The following WRNIP1 variants were observed in gnomAD, a reference collection of about 807,000 sequenced individuals.
WRNIP1 encodes WRN helicase interacting protein 1, also known as ATPase WRNIP1.
A neutral mutation model predicts 56.1 loss-of-function variants in WRNIP1; 41 were observed. The observed-to-expected ratio is 0.73, with a 90% CI of 0.57 to 0.95. The LOEUF is 0.95. Among genes scored for constraint, WRNIP1 ranks in the 40% least tolerant of loss-of-function variants. WRNIP1 has a pLI of 0.00. For missense variants in WRNIP1, 1,170 were observed against 939.4 expected, an observed-to-expected ratio of 1.25 and a Z score of -3.21; for synonymous variants, 547 against 398.1, an observed-to-expected ratio of 1.37 and a Z score of -4.45.
At chr6:2,769,354 G>A (rs12208216) in intron 2 of WRNIP1, among the ~76,000 whole-genome samples, 15,411 of 151,810 alleles carry the variant, frequency 0.1, 843 homozygotes, top group Non-Finnish European at 0.12. Flanking sequence ...ATTTAAATGG[G>A]TTTCTGAAAT....
At position 2,766,410 on chromosome 6, in the gene WRNIP1, C is replaced by T; in HGVS notation, c.788C>T (p.Ser263Leu). 2 of 1,600,370 alleles carry T rather than the reference C, an allele frequency of 1.2e-6. No homozygotes were observed. Among genetic ancestry groups the T allele is most frequent in the Non-Finnish European group, 1.7e-6 (2 of 1,172,374 alleles). ...RSLLETNEIP[S>L]LILWGPPGCG... is the part of the protein sequence containing the mutation. ...CTCCTGGAGACCAACGAAATCCCCT[C>T]GCTTATCCTGTGGGGGCCGCCGGGC... The change falls in exon 1 of 7, where the codon TCG becomes TTG. Residue 263 changes from serine (S) to leucine (L), a missense_variant. Physicochemically the swap from Ser to Leu is moderately radical, Grantham distance 145. Coordinates refer to ENST00000380773, the MANE Select transcript of WRNIP1 (RefSeq NM_020135.3).
intron 1 of WRNIP1, among the ~76,000 whole-genome samples, chr6:2,767,484 G>C (rs1057148853): frequency 1.3e-5 from 2 of 152,152 alleles, no homozygotes; most frequent in African/African-American, 4.8e-5. Context: ...CCAGTTCCTG[G>C]AATGAATTGC....
chr6:2,781,644 TGA>T (rs1765563554), intron 4 of WRNIP1, among the ~76,000 whole-genome samples: 6 of 152,222 alleles, frequency 3.9e-5, no homozygotes, highest in Admixed American at 3.9e-4. Context: ...AATTTCTAAA[TGA>T]GAGCAAACTC....
chr6:2,767,378 A>G (rs954395200), intron 1 of WRNIP1, among the ~76,000 whole-genome samples: 1 of 152,228 alleles, frequency 6.6e-6, no homozygotes, highest in African/African-American at 2.4e-5. Flanking sequence ...TGTAGCTTTG[A>G]GATTCAGACT....
intron 3 of WRNIP1, among the ~76,000 whole-genome samples, chr6:2,770,923 T>C (rs550273345): frequency 6.6e-6 from 1 of 152,352 alleles, no homozygotes; most frequent in South Asian, 2.1e-4. Context: ...AATATGACAT[T>C]ATAGGCTGTC....
At chr6:2,778,542 C>T (rs1765484297) in intron 3 of WRNIP1, among the ~76,000 whole-genome samples, 1 of 152,166 alleles carries the variant, frequency 6.6e-6, no homozygotes, top group East Asian at 1.9e-4. Context: ...GTGGCTTACC[C>T]AGGGTCTCAT....
chr6:2,773,466 G>A, intron 3 of WRNIP1: 1 of 985,402 alleles, frequency 1.0e-6, no homozygotes, highest in Non-Finnish European at 1.2e-6. Flanking sequence ...TTAACTGAGT[G>A]AAATAGAAAG....
rs763090032 is a variant in WRNIP1 at position 2,766,200 on chromosome 6, C to G, written c.578C>G (p.Ala193Gly). The G allele has an allele frequency of 7.0e-7, 1 of 1,426,754 alleles. No individual in the cohort carries two copies. Among genetic ancestry groups the G allele is most frequent in the Non-Finnish European group, 9.2e-7 (1 of 1,089,242 alleles). 88.4% of individuals were successfully genotyped at this position (1,426,754 alleles called of 1,614,324 possible). ...GACCCGGGGCACTGGGACGCGGACG[C>G]TGCCGAAGCCGCCACCGCCTTCGGG... Reference protein sequence around the residue: ...EDDPGHWDADAAEAATAFGAS... With the variant: ...EDDPGHWDADGAEAATAFGAS... Residue 193 changes from alanine (A) to glycine (G), a missense_variant, in exon 1 of 7, where the codon GCT (alanine) becomes GGT (glycine). Transcript: ENST00000380773.
chr6:2,779,211 CAAG>C (rs2113476814), intron 3 of WRNIP1, 49 bp from the exon 4 acceptor site: 2 of 1,575,882 alleles, frequency 1.3e-6, no homozygotes, highest in East Asian at 2.2e-5. Context: ...ATGTGCAGAA[CAAG>C]AAGTATGCAG....
chr6:2,783,638 T>TTC, intron 5 of WRNIP1, 77 bp downstream of exon 5: 1 of 936,480 alleles, frequency 1.1e-6, no homozygotes, highest in Non-Finnish European at 1.4e-6. Flanking sequence ...TCGTGGCTTT[T>TTC]TTTTTTTTTT....
Position 2,766,114 on chromosome 6 carries a change from G to A in WRNIP1, c.492G>A (p.Glu164=). The A allele has an allele frequency of 7.6e-7, 1 of 1,322,592 alleles. No homozygotes were observed. Among genetic ancestry groups the A allele is most frequent in the Non-Finnish European group, 9.6e-7 (1 of 1,044,222 alleles). 81.9% of individuals were successfully genotyped at this position (1,322,592 alleles called of 1,614,324 possible). ...GCTGGGACGAGGCGGAGGCGCAGGA[G>A]GAGGAGGAGGCCGTGGGCGACGGCG... is the stretch of plus-strand genomic sequence containing the variant. ...PRSWDEAEAQ[E]EEEAVGDGDG... The change falls in exon 1 of 7, where the codon GAG becomes GAA. Residue 164 remains glutamate (E), a synonymous_variant. Coordinates refer to ENST00000380773, the MANE Select transcript of WRNIP1 (RefSeq NM_020135.3).
chr6:2,776,494 A>G lies in WRNIP1; in HGVS notation c.1257-2769A>G, dbSNP rs1011909738. ...GAGCTCAGGTAGCTTTCGTTGTGGC[A>G]GCACCTCCATTCCCCATGACTCCAA... is the stretch of plus-strand genomic sequence containing the variant. On this transcript the variant is annotated intron_variant, in intron 3 of 6. Coordinates refer to ENST00000380773, the MANE Select transcript of WRNIP1 (RefSeq NM_020135.3). Among the ~76,000 whole-genome samples, 31 of 152,224 alleles carry G rather than the reference A, an allele frequency of 2.0e-4. 1 individual carries two copies. The highest frequency in any genetic ancestry group is 2.0e-4 in the Admixed American group (3 of 15,278).
intron 4 of WRNIP1, among the ~76,000 whole-genome samples, chr6:2,783,141 T>C (rs1765606037): frequency 6.6e-6 from 1 of 152,192 alleles, no homozygotes; most frequent in Non-Finnish European, 1.5e-5. Context: ...TCCTCCCTCC[T>C]GCCTCTGTGC....
chr6:2,777,795 G>T (rs1169705079), intron 3 of WRNIP1, among the ~76,000 whole-genome samples: 3 of 152,278 alleles, frequency 2.0e-5, no homozygotes, highest in African/African-American at 7.2e-5. Flanking sequence ...CTCGGTGTTT[G>T]TTTTTTTGTT....
chr6:2,766,469 C>A, intron 1 of WRNIP1, 25 bp downstream of exon 1: 2 of 1,482,218 alleles, frequency 1.3e-6, no homozygotes, highest in South Asian at 1.3e-5. Context: ...GGCCGTTGGG[C>A]TTCCGTAGTT....
In WRNIP1 at chr6:2,765,486, C is replaced by A. The variant is rs1381316409; in HGVS notation, c.-137C>A. 1 of 1,153,396 alleles carries A rather than the reference C, an allele frequency of 8.7e-7. No homozygotes were observed. The highest frequency in any genetic ancestry group is 1.1e-6 in the Non-Finnish European group (1 of 911,324). The allele number at this position is 1,153,396 out of a possible 1,614,324, so 71.4% of individuals were successfully genotyped here. A position where few individuals can be genotyped will look rare whatever the true frequency, so the allele number is the denominator to read the frequency against. Reference sequence around the variant, plus strand: ...GGACGTGAGGCATGAGCGGCGCCCTCCTCCGGCCCGCGAGCGTCCTGCTGG... The same window carrying A: ...GGACGTGAGGCATGAGCGGCGCCCTACTCCGGCCCGCGAGCGTCCTGCTGG... On this transcript the variant is annotated 5_prime_UTR_variant, in exon 1 of 7. Coordinates refer to ENST00000380773, the MANE Select transcript of WRNIP1 (RefSeq NM_020135.3).
At chr6:2,775,336 C>T (rs1184063231) in intron 3 of WRNIP1, among the ~76,000 whole-genome samples, 1 of 152,164 alleles carries the variant, frequency 6.6e-6, no homozygotes, top group Non-Finnish European at 1.5e-5. Context: ...AGGGTCTGCC[C>T]CTGGAGATTT....
At chr6:2,778,510 C>T (rs1765482868) in intron 3 of WRNIP1, among the ~76,000 whole-genome samples, 1 of 152,078 alleles carries the variant, frequency 6.6e-6, no homozygotes, top group Non-Finnish European at 1.5e-5. Context: ...AGTTTTAGTC[C>T]TGATGTTCAG....
chr6:2,766,319 C>G lies in WRNIP1; in HGVS notation c.697C>G (p.Pro233Ala), dbSNP rs1441805965. The change falls in exon 1 of 7, where the codon CCT becomes GCT. Residue 233 changes from proline to alanine, a missense_variant. By Grantham distance (27) the Pro-to-Ala change is conservative. Transcript: ENST00000380773. ...QGKPLADTMRPDTLQDYFGQS... is the reference protein window; with the variant it reads ...QGKPLADTMRADTLQDYFGQS... ...CAAGCCGCTGGCCGACACGATGCGT[C>G]CTGACACGCTGCAGGATTACTTCGG... The G allele has an allele frequency of 6.2e-7, 1 of 1,610,600 alleles. No individual in the cohort carries two copies. Among genetic ancestry groups the G allele is most frequent in the Non-Finnish European group, 8.5e-7 (1 of 1,179,056 alleles).
Sources: gnomAD v4.1 joint callset for allele counts (sites outside exome capture counted in the v4.1 genomes callset) on GRCh38, gnomAD v4.1.1 for gene constraint, MANE v1.5 for transcripts, NCBI Gene and HGNC (gene_info 2026-07-23, HGNC 2026-07-21) for gene names.